The following PHF19 variants were observed in gnomAD, a reference collection of about 807,000 sequenced individuals.
PHF19 encodes the protein PHD finger protein 19.
In PHF19, 21 loss-of-function variants were observed where a neutral mutation model predicts 79.8. The observed-to-expected ratio is 0.26, with a 90% CI of 0.19 to 0.38. The LOEUF (loss-of-function observed/expected upper bound fraction) is 0.38, where lower values mean the gene tolerates loss of function less well. PHF19 is among the 10% of genes least tolerant of loss of function. PHF19 has a pLI of 1.00. For missense variants in PHF19, 445 were observed against 744.2 expected (o/e 0.60, Z 4.68); for synonymous variants, 273 against 296.3 (o/e 0.92, Z 0.81).
In PHF19 at chr9:120,869,170, C is replaced by A; in HGVS notation, c.614+12G>T. 1 of 1,603,178 alleles carries A rather than the reference C, an allele frequency of 6.2e-7. No homozygotes were observed. Among genetic ancestry groups the A allele is most frequent in the Non-Finnish European group, 8.5e-7 (1 of 1,175,564 alleles). The stretch of plus-strand genomic sequence containing the variant: ...GCCCTGCCGCCCGGGGGGCCCTGAC[C>A]CCCTGCCTTACTCTCCGGGCCCGCC... On this transcript the variant is annotated intron_variant, in intron 6 of 14. Transcript: ENST00000373896. This position sits in a 1 kb window ranked among gnomAD's most constrained non-coding sequence, Gnocchi z 5.8.
Position 120,870,555 on chromosome 9 carries a change from C to G in PHF19, c.269-17G>C, listed in dbSNP as rs769262187. 1.4e-6 allele frequency: 2 copies of G among 1,478,608 alleles called. No homozygotes were observed. The highest frequency in any genetic ancestry group is 1.4e-5 in the African/African-American group (1 of 72,292). The allele number at this position is 1,478,608 out of a possible 1,614,324, so 91.6% of individuals were successfully genotyped here. ...GAACACCGGCTGAAAGAGAGGGCCT[C>G]GAGGGTCGGGTCCAGCTCACAGGAA... On this transcript the variant is annotated splice_polypyrimidine_tract_variant and intron_variant, in intron 3 of 14. Transcript: ENST00000373896. This position sits in a 1 kb window ranked among gnomAD's most constrained non-coding sequence, Gnocchi z 4.4.
upstream of PHF19, among the ~76,000 whole-genome samples, chr9:120,881,148 T>TAA (rs59482735): frequency 1.1e-3 from 142 of 127,514 alleles, 3 homozygotes; most frequent in African/African-American, 4.2e-3. Context: ...ATCGGGGGTT[T>TAA]GTTTTTTTTT....
upstream of PHF19, among the ~76,000 whole-genome samples, chr9:120,879,702 C>G (rs1219633754): frequency 6.6e-6 from 1 of 152,056 alleles, no homozygotes; most frequent in African/African-American, 2.4e-5. Flanking sequence ...ACTCTAAATT[C>G]GAATTGAGGA....
intron 12 of PHF19, 101 bp from the exon 13 acceptor site, chr9:120,861,275 G>A: frequency 1.3e-6 from 1 of 779,314 alleles, no homozygotes; most frequent in Non-Finnish European, 2.4e-6. Context: ...TGAGGGCTGG[G>A]CCCTCCCTAG....
rs145830367 is a variant in PHF19, at chr9:120,860,428, C to T, written c.1305-243G>A. ...GACGTAAGCACTGGTGTCAATAACT[C>T]GAGCGTGATCCAAGGCACCTGTGCA... On this transcript the variant is annotated intron_variant, in intron 13 of 14. Coordinates refer to ENST00000373896, the MANE Select transcript of PHF19 (RefSeq NM_015651.3). This position sits in a 1 kb window ranked among gnomAD's most constrained non-coding sequence, Gnocchi z 4.1. The T allele has an allele frequency of 5.5e-4, 269 of 489,260 alleles. 1 individual carries two copies. Among genetic ancestry groups the T allele is most frequent in the African/African-American group, 4.8e-3 (247 of 51,368 alleles). The allele number at this position is 489,260 out of a possible 1,614,324, so 30.3% of individuals were successfully genotyped here.
At chr9:120,886,899 C>T (rs1320993033) in intron 1 of PHF19, among the ~76,000 whole-genome samples, 1 of 151,802 alleles carries the variant, frequency 6.6e-6, no homozygotes, top group Non-Finnish European at 1.5e-5. Flanking sequence ...GAAACCCTGT[C>T]TCTACTAAAA....
At chr9:120,872,062 A>AG (rs2045918115) in intron 3 of PHF19, among the ~76,000 whole-genome samples, 1 of 150,302 alleles carries the variant, frequency 6.7e-6, no homozygotes, top group Non-Finnish European at 1.5e-5. Context: ...AAAAAAAAAA[A>AG]AAAAAAGAAA....
chr9:120,894,723 C>A, intron 1 of PHF19: 1 of 850,532 alleles, frequency 1.2e-6, no homozygotes, highest in Non-Finnish European at 1.5e-6. Flanking sequence ...CGGGCCCACC[C>A]GGCCGCCCGC....
the PHF19 span, among the ~76,000 whole-genome samples, chr9:120,900,301 T>C: frequency 6.6e-6 from 1 of 152,228 alleles, no homozygotes; most frequent in African/African-American, 2.4e-5. Flanking sequence ...CTTCATTTTC[T>C]TAGTTTCTGT....
intron 1 of PHF19, among the ~76,000 whole-genome samples, chr9:120,894,085 A>G (rs2046374593): frequency 6.6e-6 from 1 of 152,162 alleles, no homozygotes; most frequent in Admixed American, 6.5e-5. Flanking sequence ...TGGTGGATTC[A>G]TTTGGAACCT....
At chr9:120,875,615 T>G (rs142068328) in intron 1 of PHF19, among the ~76,000 whole-genome samples, 30 of 152,342 alleles carry the variant, frequency 2.0e-4, no homozygotes, top group Non-Finnish European at 3.2e-4. Context: ...AGTTCAGGCC[T>G]CATCTTTTGC....
chr9:120,864,599 C>T (rs2045640422), intron 9 of PHF19, among the ~76,000 whole-genome samples: 1 of 152,216 alleles, frequency 6.6e-6, no homozygotes, highest in Non-Finnish European at 1.5e-5. Context: ...AGGAGAATCA[C>T]TTGAACCCAG....
At chr9:120,883,532 G>A (rs968411833) in intron 1 of PHF19, among the ~76,000 whole-genome samples, 2 of 152,196 alleles carry the variant, frequency 1.3e-5, no homozygotes, top group Non-Finnish European at 2.9e-5. Context: ...GCTGAGGTGG[G>A]TGAATTGCCT....
In PHF19 at chr9:120,869,256, G is replaced by A; in HGVS notation, c.540C>T (p.Pro180=). 1 of 1,612,616 alleles carries A rather than the reference G, an allele frequency of 6.2e-7. No individual in the cohort carries two copies. The highest frequency in any genetic ancestry group is 8.5e-7 in the Non-Finnish European group (1 of 1,179,648). Residue 180 remains proline, a synonymous_variant, in exon 6 of 15, where the codon CCC becomes CCT. Transcript: ENST00000373896. The surrounding 1 kb of genome is among the most constrained non-coding windows in gnomAD (Gnocchi z 5.8). ...GGGGCGAGTCCCACTCGAGCTCCTC[G>A]GGCTGGTAGGACAGCACCATCTTCA... is the stretch of plus-strand genomic sequence containing the variant. The part of the protein sequence containing the change: ...QAVKMVLSYQ[P]EELEWDSPHR...
rs1370281050 is a variant in PHF19, at chr9:120,894,551, C to T, written c.42+237G>A. On this transcript the variant is annotated intron_variant, in intron 1 of 14. Transcript: ENST00000616568. ...CCACCCGCCTCGTCTGCTTTGGCCG[C>T]GCTCCCGCGAAGGCCGCGGCGGGAG... Among the ~76,000 whole-genome samples, 4 of 152,052 alleles carry T rather than the reference C, an allele frequency of 2.6e-5. No individual in the cohort carries two copies. In the East Asian group the frequency reaches 7.7e-4, roughly 29 times the overall value.
chr9:120,864,038 C>A lies in PHF19; in HGVS notation c.968+11G>T, dbSNP rs1486846594. ...GGGCCCCACCACACTCCCTCCCCTC[C>A]CTGCACGCACCGGCTTTTATAACTG... On this transcript the variant is annotated intron_variant, in intron 10 of 14. Transcript: ENST00000373896. 1 of 1,611,618 alleles carries A rather than the reference C, an allele frequency of 6.2e-7. No individual in the cohort carries two copies. The highest frequency in any genetic ancestry group is 1.7e-5 in the Admixed American group (1 of 59,858).
intron 1 of PHF19, chr9:120,894,751 C>G: frequency 8.4e-7 from 1 of 1,184,804 alleles, no homozygotes; most frequent in Non-Finnish European, 1.1e-6. Flanking sequence ...CAGCCTCGCG[C>G]CCGCCCCGCG....
intron 1 of PHF19, chr9:120,894,779 C>T (rs916352286): frequency 2.4e-5 from 29 of 1,227,138 alleles, no homozygotes; most frequent in African/African-American, 1.7e-4. Context: ...GTCGATCTCC[C>T]GGACCCACCT....
chr9:120,896,429 G>A (rs1209231807), upstream of PHF19, among the ~76,000 whole-genome samples: 2 of 138,238 alleles, frequency 1.4e-5, no homozygotes, highest in African/African-American at 5.4e-5. Flanking sequence ...TTTTATGTTT[G>A]TATGGTTCTT....
Sources: gnomAD v4.1 joint callset for allele counts (sites outside exome capture counted in the v4.1 genomes callset) on GRCh38, gnomAD v4.1.1 for gene constraint, Gnocchi (gnomAD v3.1) non-coding constraint, MANE v1.5 for transcripts, NCBI Gene and HGNC (gene_info 2026-07-23, HGNC 2026-07-21) for gene names.